The following KCNK2 variants were observed in gnomAD, a reference collection of about 807,000 sequenced individuals.
KCNK2 encodes potassium channel subfamily K member 2.
Under a neutral mutation model 40.5 loss-of-function variants are expected in KCNK2, and 21 were observed. The observed-to-expected ratio is 0.52, with a 90% CI of 0.37 to 0.75. The LOEUF (loss-of-function observed/expected upper bound fraction) is 0.75, where lower values mean the gene tolerates loss of function less well. KCNK2 is among the 30% of genes least tolerant of loss of function. The pLI is 0.00. For synonymous variants in KCNK2, 191 were observed against 202.2 expected (o/e 0.94, Z 0.47); for missense variants, 399 against 531.6 (o/e 0.75, Z 2.45).
intron 5 of KCNK2, 76 bp downstream of exon 5, chr1:215,172,259 G>A (rs755689354): frequency 1.4e-5 from 18 of 1,313,032 alleles, no homozygotes; most frequent in Non-Finnish European, 1.8e-5. Flanking sequence ...GGTTTATAAC[G>A]AAACACAAGG....
At chr1:215,221,911 G>T (rs1380762877) in intron 6 of KCNK2, among the ~76,000 whole-genome samples, 1 of 152,218 alleles carries the variant, frequency 6.6e-6, no homozygotes, top group Admixed American at 6.5e-5. Context: ...TATAAGAAAA[G>T]AAGTTTAATT....
chr1:215,088,131 C>T (rs552757615), intron 2 of KCNK2, among the ~76,000 whole-genome samples: 1 of 152,012 alleles, frequency 6.6e-6, no homozygotes, highest in Non-Finnish European at 1.5e-5. Context: ...ATCACTTTCA[C>T]TTCATTCTCT....
intron 3 of KCNK2, among the ~76,000 whole-genome samples, chr1:215,158,395 C>T (rs1033843182): frequency 2.0e-5 from 3 of 152,140 alleles, no homozygotes; most frequent in African/African-American, 7.2e-5. Flanking sequence ...TGTTCCATAG[C>T]GGCCTCCAGG....
chr1:215,057,983 G>A (rs911616272), intron 1 of KCNK2, among the ~76,000 whole-genome samples: 12 of 152,174 alleles, frequency 7.9e-5, no homozygotes, highest in African/African-American at 2.4e-4. Flanking sequence ...CAATATGATG[G>A]TGAGGATGAT....
intron 5 of KCNK2, among the ~76,000 whole-genome samples, chr1:215,176,156 A>T (rs560435825): frequency 6.6e-6 from 1 of 151,990 alleles, no homozygotes; most frequent in Non-Finnish European, 1.5e-5. Context: ...TACCAGCATT[A>T]TTATTTGTTG....
chr1:215,082,430 C>G (rs1458083457), upstream of KCNK2, among the ~76,000 whole-genome samples: 1 of 152,128 alleles, frequency 6.6e-6, no homozygotes, highest in Non-Finnish European at 1.5e-5. Flanking sequence ...ACACCCGGTC[C>G]CACACCCCGA....
intron 1 of KCNK2, among the ~76,000 whole-genome samples, chr1:215,048,589 G>T (rs1558068928): frequency 1.3e-5 from 2 of 152,164 alleles, no homozygotes; most frequent in Non-Finnish European, 2.9e-5. Flanking sequence ...AGGCTTGTAT[G>T]AATTTTGACT....
chr1:215,124,553 C>A, intron 2 of KCNK2, 80 bp from the exon 3 acceptor site: 1 of 825,426 alleles, frequency 1.2e-6, no homozygotes, highest in Non-Finnish European at 2.1e-6. Context: ...TCAAATAAGT[C>A]ATTTCTGGGG....
At chr1:215,028,344 C>CG (rs1558061683) in intron 1 of KCNK2, among the ~76,000 whole-genome samples, 2 of 151,846 alleles carry the variant, frequency 1.3e-5, no homozygotes, top group African/African-American at 2.4e-5. Context: ...GAGATTGTGC[C>CG]ATTGCACTCC....
At chr1:215,150,640 A>G (rs1396624712) in intron 3 of KCNK2, among the ~76,000 whole-genome samples, 1 of 151,942 alleles carries the variant, frequency 6.6e-6, no homozygotes, top group African/African-American at 2.4e-5. Context: ...ATATTTTTCC[A>G]TTTCACTTAG....
At chr1:215,049,634 G>T (rs1657912605) in intron 1 of KCNK2, among the ~76,000 whole-genome samples, 1 of 152,090 alleles carries the variant, frequency 6.6e-6, no homozygotes, top group African/African-American at 2.4e-5. Context: ...ACATGTTACA[G>T]TGAGGCACAT....
At chr1:215,052,907 C>A (rs1053858395) in intron 1 of KCNK2, among the ~76,000 whole-genome samples, 1 of 152,008 alleles carries the variant, frequency 6.6e-6, no homozygotes, top group African/African-American at 2.4e-5. Flanking sequence ...TGAGTTTTTG[C>A]CAGAGTACCA....
chr1:215,216,495 T>C (rs979772758), intron 6 of KCNK2, among the ~76,000 whole-genome samples: 2 of 148,728 alleles, frequency 1.3e-5, no homozygotes, highest in African/African-American at 4.9e-5. Context: ...TACATAATAC[T>C]ATTATATATG....
chr1:215,234,707 T>C, intron 6 of KCNK2, 121 bp from the exon 7 acceptor site: 3 of 863,488 alleles, frequency 3.5e-6, no homozygotes, highest in Non-Finnish European at 5.4e-6. Flanking sequence ...CCACCAGTGC[T>C]GTAAAAGACT....
intron 3 of KCNK2, among the ~76,000 whole-genome samples, chr1:215,152,682 C>A (rs1000643402): frequency 6.6e-6 from 1 of 152,076 alleles, no homozygotes; most frequent in Admixed American, 6.6e-5. Context: ...GAACAGAAAT[C>A]TTATTGATTG....
intron 6 of KCNK2, among the ~76,000 whole-genome samples, chr1:215,231,573 T>C (rs1571758950): frequency 6.6e-6 from 1 of 152,124 alleles, no homozygotes; most frequent in Non-Finnish European, 1.5e-5. Context: ...ATTAAAAAAC[T>C]TACCCTAAGA....
chr1:215,174,457 C>T (rs1221403941), intron 5 of KCNK2, among the ~76,000 whole-genome samples: 1 of 152,126 alleles, frequency 6.6e-6, no homozygotes, highest in Non-Finnish European at 1.5e-5. Context: ...AATGCGGGCT[C>T]TTTTTTGGTT....
Position 215,083,224 on chromosome 1 carries a change from C to T in KCNK2, c.-162C>T. On this transcript the variant is annotated 5_prime_UTR_variant, in exon 1 of 7. Transcript: ENST00000444842. ...CCCCCGCCCCCTCCCGCGTCCAGCC[C>T]CGCTCTCCCCACCTTGTAAAACAAA... The T allele has an allele frequency of 1.3e-6, 2 of 1,591,692 alleles. No homozygotes were observed. Among genetic ancestry groups the T allele is most frequent in the East Asian group, 2.3e-5 (1 of 43,886 alleles).
chr1:215,115,614 TC>T (rs1430129219), intron 2 of KCNK2, among the ~76,000 whole-genome samples: 1 of 152,138 alleles, frequency 6.6e-6, no homozygotes, highest in Non-Finnish European at 1.5e-5. Flanking sequence ...TATCTTACTG[TC>T]CTAGAACTGT....
Sources: allele counts gnomAD v4.1 joint callset (sites outside exome capture counted in the v4.1 genomes callset), GRCh38; gene constraint gnomAD v4.1.1; transcripts MANE v1.5; gene names NCBI Gene and HGNC (gene_info 2026-07-23, HGNC 2026-07-21).